Variants in ATL1 observed in about 807,000 individuals in gnomAD.
ATL1 encodes atlastin GTPase 1.
ATL1 carries 31 observed loss-of-function variants against 75.5 expected under a neutral mutation model. The observed-to-expected ratio is 0.41, with a 90% CI of 0.31 to 0.55. ATL1 has a LOEUF of 0.55. Ranked by LOEUF, ATL1 falls within the 20% of genes least tolerant of loss-of-function variation. ATL1 has a pLI of 0.27. For missense variants in ATL1, 405 were observed against 662.6 expected, an observed-to-expected ratio of 0.61 and a Z score of 4.27; for synonymous variants, 226 against 233.3, an observed-to-expected ratio of 0.97 and a Z score of 0.28.
chr14:50,560,232 A>G lies in ATL1; in HGVS notation c.-34A>G. ...CCCGGAGAAGGCAGCGAGCGCAGTG[A>G]CAGCGCCTCACCGCCACCAGCTCCT... On this transcript the variant is annotated 5_prime_UTR_variant, in exon 1 of 14. Transcript: ENST00000358385. 1 of 1,613,094 alleles carries G rather than the reference A, an allele frequency of 6.2e-7. No individual in the cohort carries two copies. Among genetic ancestry groups the G allele is most frequent in the Non-Finnish European group, 8.5e-7 (1 of 1,179,484 alleles).
At chr14:50,624,385 G>T (rs1239684238) in intron 11 of ATL1, among the ~76,000 whole-genome samples, 1 of 151,818 alleles carries the variant, frequency 6.6e-6, no homozygotes, top group African/African-American at 2.4e-5. Context: ...TATCTGTTAT[G>T]GCAACCTGTG....
At chr14:50,616,513 A>T (rs1276656943) in intron 8 of ATL1, among the ~76,000 whole-genome samples, 1 of 149,838 alleles carries the variant, frequency 6.7e-6, no homozygotes, top group Admixed American at 6.7e-5. Flanking sequence ...TTTTGCAGAG[A>T]TGGGGGTTTC....
In ATL1 at chr14:50,632,481, C is replaced by A; in HGVS notation, c.*142C>A. 1 of 630,676 alleles carries A rather than the reference C, an allele frequency of 1.6e-6. No individual in the cohort carries two copies. The highest frequency in any genetic ancestry group is 2.9e-6 in the Non-Finnish European group (1 of 344,222). 39.1% of individuals were successfully genotyped at this position (630,676 alleles called of 1,614,324 possible). ...CTGAAGACTGCAAACTGGATTAGTTCTTTTACTTCAGTGTTTAATAAGCAG... is the reference window on the plus strand; with the variant it reads ...CTGAAGACTGCAAACTGGATTAGTTATTTTACTTCAGTGTTTAATAAGCAG... On this transcript the variant is annotated 3_prime_UTR_variant, in exon 14 of 14. Transcript: ENST00000358385.
At chr14:50,590,395 C>T (rs2039144582) in intron 2 of ATL1, among the ~76,000 whole-genome samples, 1 of 152,170 alleles carries the variant, frequency 6.6e-6, no homozygotes, top group Non-Finnish European at 1.5e-5. Flanking sequence ...CCAGCCTCTT[C>T]CTGCTACTTG....
intron 6 of ATL1, among the ~76,000 whole-genome samples, chr14:50,602,356 G>A (rs540779363): frequency 1.3e-5 from 2 of 152,184 alleles, no homozygotes; most frequent in Admixed American, 1.3e-4. Context: ...GCTTGTTATG[G>A]GGTCTATGCT....
chr14:50,537,118 G>A (rs2038503382), intron 1 of ATL1, among the ~76,000 whole-genome samples: 1 of 152,210 alleles, frequency 6.6e-6, no homozygotes, highest in Non-Finnish European at 1.5e-5. Context: ...TGGTTTCGTT[G>A]GCTAGGCCCA....
At chr14:50,619,238 T>C (rs554386840) in intron 8 of ATL1, among the ~76,000 whole-genome samples, 1 of 152,214 alleles carries the variant, frequency 6.6e-6, no homozygotes, top group Admixed American at 6.5e-5. Flanking sequence ...TATTTTTATT[T>C]TTAGTAGAGG....
intron 11 of ATL1, among the ~76,000 whole-genome samples, chr14:50,627,144 C>T (rs527660569): frequency 6.6e-6 from 1 of 152,318 alleles, no homozygotes; most frequent in Admixed American, 6.5e-5. Context: ...GCAACACCAC[C>T]CTAATCAGTC....
intron 1 of ATL1, among the ~76,000 whole-genome samples, chr14:50,567,048 G>C (rs2038910824): frequency 6.6e-6 from 1 of 151,932 alleles, no homozygotes; most frequent in African/African-American, 2.4e-5. Flanking sequence ...AAATATTGTT[G>C]TGTAGCTATC....
chr14:50,577,101 C>A (rs1019503794), intron 1 of ATL1, among the ~76,000 whole-genome samples: 2 of 152,084 alleles, frequency 1.3e-5, no homozygotes, highest in African/African-American at 2.4e-5. Flanking sequence ...CTTGCTCTGT[C>A]GCCCAGGCTG....
intron 1 of ATL1, among the ~76,000 whole-genome samples, chr14:50,569,335 G>A (rs990323422): frequency 1.6e-4 from 24 of 151,666 alleles, no homozygotes; most frequent in African/African-American, 5.8e-4. Context: ...ATTCTAGCTT[G>A]GGCAACAGAG....
intron 1 of ATL1, among the ~76,000 whole-genome samples, chr14:50,534,655 G>A (rs1468572257): frequency 1.3e-5 from 2 of 152,248 alleles, no homozygotes; most frequent in African/African-American, 4.8e-5. Flanking sequence ...GAGGCAGATA[G>A]CATGGAAAAA....
chr14:50,589,618 G>A (rs1017321888), intron 2 of ATL1, among the ~76,000 whole-genome samples: 11 of 152,144 alleles, frequency 7.2e-5, no homozygotes, highest in Non-Finnish European at 1.3e-4. Context: ...TGAGGAATAA[G>A]TATAATATAT....
intron 8 of ATL1, among the ~76,000 whole-genome samples, chr14:50,615,918 T>A (rs2039410749): frequency 6.6e-6 from 1 of 152,186 alleles, no homozygotes; most frequent in Non-Finnish European, 1.5e-5. Context: ...TTAGATTAAC[T>A]GATACATTTT....
intron 1 of ATL1, among the ~76,000 whole-genome samples, chr14:50,582,281 C>G (rs536555640): frequency 5.3e-5 from 8 of 151,410 alleles, no homozygotes; most frequent in African/African-American, 1.9e-4. Flanking sequence ...TCCATCTCAA[C>G]AAAAGAAATT....
chr14:50,619,295 A>C (rs1393505183), intron 8 of ATL1, among the ~76,000 whole-genome samples: 4 of 151,854 alleles, frequency 2.6e-5, no homozygotes, highest in Admixed American at 1.3e-4. Context: ...TCCTGACCTC[A>C]TGATCCACCC....
chr14:50,587,810 A>G (rs192302048), intron 1 of ATL1, 21 bp from the exon 2 acceptor site: 2 of 1,614,148 alleles, frequency 1.2e-6, no homozygotes, highest in East Asian at 2.2e-5. Context: ...TAGCTGAACC[A>G]GTCACTGCTC....
At chr14:50,610,274 A>C (rs1446340781) in intron 6 of ATL1, among the ~76,000 whole-genome samples, 1 of 152,058 alleles carries the variant, frequency 6.6e-6, no homozygotes, top group Non-Finnish European at 1.5e-5. Flanking sequence ...AAAGTTATTG[A>C]ACTTTTAAGA....
At chr14:50,576,333 T>C (rs1350730319) in intron 1 of ATL1, among the ~76,000 whole-genome samples, 1 of 152,174 alleles carries the variant, frequency 6.6e-6, no homozygotes, top group African/African-American at 2.4e-5. Context: ...TGTAACCCTA[T>C]TGTAAGTTGA....
Sources: allele counts gnomAD v4.1 joint callset (sites outside exome capture counted in the v4.1 genomes callset), GRCh38; gene constraint gnomAD v4.1.1; transcripts MANE v1.5; gene names NCBI Gene and HGNC (gene_info 2026-07-23, HGNC 2026-07-21).